SFXN4: variants seen among roughly 807,000 people sequenced by gnomAD.
SFXN4 encodes the protein sideroflexin-4.
In SFXN4, 48 loss-of-function variants were observed where a neutral mutation model predicts 54.6. The ratio of observed to expected loss-of-function variants is 0.88; its 90% CI spans 0.70 to 1.12. The LOEUF (loss-of-function observed/expected upper bound fraction) is 1.12. Among genes scored for constraint, SFXN4 ranks in the 50% most tolerant of loss-of-function variants. The probability of loss-of-function intolerance (pLI) is 0.00; values close to 1 mark genes in which losing one functional copy is unlikely to be tolerated. For synonymous variants in SFXN4, 130 were observed against 145.5 expected (o/e 0.89, Z 0.77); for missense variants, 383 against 409.2 (o/e 0.94, Z 0.55).
chr10:119,162,954 C>A (rs890874785), intron 2 of SFXN4, among the ~76,000 whole-genome samples: 1 of 152,222 alleles, frequency 6.6e-6, no homozygotes, highest in Middle Eastern at 3.4e-3. Flanking sequence ...ACCCACTACA[C>A]CTGGCTAACT....
Position 119,146,847 on chromosome 10 carries a change from C to T in SFXN4, c.819-494G>A, listed in dbSNP as rs527584843. Among the ~76,000 whole-genome samples, 17 of 152,246 alleles carry T rather than the reference C, an allele frequency of 1.1e-4. No individual in the cohort carries two copies. In the South Asian group the frequency reaches 3.1e-3, roughly 28 times the overall value. On this transcript the variant is annotated intron_variant, in intron 12 of 13. Coordinates refer to ENST00000355697, the MANE Select transcript of SFXN4 (RefSeq NM_213649.2). The stretch of plus-strand genomic sequence containing the variant: ...CCTCCCAAAGTGCTGGGATTACAGG[C>T]GTGAGCCACCGCACCATCCCATCCC...
intron 11 of SFXN4, among the ~76,000 whole-genome samples, chr10:119,154,303 C>T (rs1847191474): frequency 6.6e-6 from 1 of 152,160 alleles, no homozygotes; most frequent in Non-Finnish European, 1.5e-5. Flanking sequence ...AAGGCTGTAG[C>T]AGCAGCTCCT....
chr10:119,154,706 C>G (rs922885158), intron 11 of SFXN4, among the ~76,000 whole-genome samples: 1 of 152,106 alleles, frequency 6.6e-6, no homozygotes, highest in Admixed American at 6.6e-5. Context: ...GTGGTGTGTG[C>G]CTGTGGTCCC....
At chr10:119,163,999 C>A in intron 2 of SFXN4, 132 bp downstream of exon 2, 1 of 631,848 alleles carries the variant, frequency 1.6e-6, no homozygotes, top group Non-Finnish European at 2.7e-6. Context: ...GAGATGGTGC[C>A]ACTGCACTCC....
intron 9 of SFXN4, 113 bp from the exon 10 acceptor site, chr10:119,156,869 C>A (rs1036407416): frequency 1.4e-6 from 1 of 707,858 alleles, no homozygotes; most frequent in Non-Finnish European, 2.4e-6. Context: ...CAGACCACTG[C>A]CAGTGCTCTT....
intron 11 of SFXN4, among the ~76,000 whole-genome samples, chr10:119,148,773 T>A (rs568985614): frequency 5.4e-4 from 82 of 152,292 alleles, no homozygotes; most frequent in Admixed American, 2.3e-3. Context: ...AAACATACAA[T>A]TTACTGTATG....
intron 13 of SFXN4, 100 bp from the exon 14 acceptor site, chr10:119,141,419 C>T: frequency 1.6e-6 from 1 of 639,182 alleles, no homozygotes; most frequent in East Asian, 3.1e-5. Context: ...ATTTCACAGT[C>T]CATCTTTTTC....
At chr10:119,156,877 C>G (rs1847298971) in intron 9 of SFXN4, 121 bp from the exon 10 acceptor site, 8 of 676,956 alleles carry the variant, frequency 1.2e-5, no homozygotes, top group Non-Finnish European at 2.5e-6. Flanking sequence ...TGCCAGTGCT[C>G]TTCAGGTATT....
rs112866518 is a variant in SFXN4, at chr10:119,141,664, G to A, written c.937-345C>T. On this transcript the variant is annotated intron_variant, in intron 13 of 13. Coordinates refer to ENST00000355697, the MANE Select transcript of SFXN4 (RefSeq NM_213649.2). ...TAGCTGGGATTGGGATTACAGGCGC[G>A]CACCACCATCCTTGGCCCATTATTG... 8.7e-3 allele frequency among the ~76,000 whole-genome samples: 1,319 copies of A among 151,942 alleles called. 28 individuals carry two copies. Among genetic ancestry groups the A allele is most frequent in the African/African-American group, 0.03 (1,253 of 41,446 alleles).
At chr10:119,147,680 A>G (rs1846875630) in intron 12 of SFXN4, 95 bp downstream of exon 12, 3 of 1,048,074 alleles carry the variant, frequency 2.9e-6, no homozygotes, top group Non-Finnish European at 2.9e-6. Context: ...TACTGAGCCA[A>G]CTTCTCCCCA....
chr10:119,146,481 A>T, intron 12 of SFXN4, 128 bp from the exon 13 acceptor site: 1 of 505,696 alleles, frequency 2.0e-6, no homozygotes, highest in Non-Finnish European at 3.5e-6. Context: ...GTGTACCTGA[A>T]CACCTGGATC....
chr10:119,146,383 G>T, intron 12 of SFXN4, 30 bp from the exon 13 acceptor site: 1 of 1,342,924 alleles, frequency 7.4e-7, no homozygotes, highest in Non-Finnish European at 1.1e-6. Flanking sequence ...GCTCACAAGT[G>T]ATGTTAAACT....
chr10:119,154,468 C>T (rs941309741), intron 11 of SFXN4, among the ~76,000 whole-genome samples: 5 of 152,108 alleles, frequency 3.3e-5, no homozygotes, highest in African/African-American at 4.8e-5. Flanking sequence ...GGGAGGATCA[C>T]TTGAACTCAG....
In SFXN4 at chr10:119,141,074, C is replaced by G. The variant is rs369078851; in HGVS notation, c.*168G>C. 19 of 537,778 alleles carry G rather than the reference C, an allele frequency of 3.5e-5. No homozygotes were observed. The highest frequency in any genetic ancestry group is 5.7e-5 in the Non-Finnish European group (17 of 297,268). The allele number at this position is 537,778 out of a possible 1,614,324, so 33.3% of individuals were successfully genotyped here. A position where few individuals can be genotyped will look rare whatever the true frequency, so the allele number is the denominator to read the frequency against. On this transcript the variant is annotated 3_prime_UTR_variant, in exon 14 of 14. Coordinates refer to ENST00000355697, the MANE Select transcript of SFXN4 (RefSeq NM_213649.2). ...GTCTTCTCCAGCCAGCCTTAAAAACCCCAGAGACGCCAGCCTGGGAACGAT... is the reference window on the plus strand; with the variant it reads ...GTCTTCTCCAGCCAGCCTTAAAAACGCCAGAGACGCCAGCCTGGGAACGAT...
intron 10 of SFXN4, 112 bp from the exon 11 acceptor site, chr10:119,155,289 C>T: frequency 1.4e-6 from 1 of 719,114 alleles, no homozygotes; most frequent in South Asian, 1.7e-5. Flanking sequence ...TGACAGCTGG[C>T]CTTTCTTGAC....
At chr10:119,154,363 T>A (rs1050289382) in intron 11 of SFXN4, among the ~76,000 whole-genome samples, 2 of 151,966 alleles carry the variant, frequency 1.3e-5, no homozygotes, top group South Asian at 4.2e-4. Context: ...CACAATTGTG[T>A]AAGCCAATTC....
At chr10:119,149,456 T>C (rs1159292403) in intron 11 of SFXN4, among the ~76,000 whole-genome samples, 2 of 152,206 alleles carry the variant, frequency 1.3e-5, no homozygotes, top group East Asian at 1.9e-4. Context: ...GTTTTTAAAA[T>C]AAGGTCTTAA....
In SFXN4 at chr10:119,155,131, G is replaced by A; in HGVS notation, c.663C>T (p.Ser221=). 1 of 1,614,164 alleles carries A rather than the reference G, an allele frequency of 6.2e-7. No individual in the cohort carries two copies. Among genetic ancestry groups the A allele is most frequent in the Non-Finnish European group, 8.5e-7 (1 of 1,179,990 alleles). Residue 221 remains serine (S), a synonymous_variant, in exon 11 of 14, where the codon TCC becomes TCT. Transcript: ENST00000355697. ...MNVYMSRSLE[S]IKGIAVMDKE... The stretch of plus-strand genomic sequence containing the variant: ...TGTCCATGACCGCAATCCCCTTAAT[G>A]GATTCAAGACTTCGGGACATGTAGA...
At chr10:119,160,082 G>A (rs1302863924) in intron 5 of SFXN4, among the ~76,000 whole-genome samples, 2 of 152,120 alleles carry the variant, frequency 1.3e-5, no homozygotes, top group African/African-American at 4.8e-5. Context: ...AGGAGGCTGA[G>A]GTAGAAGGAT....
Sources: allele counts gnomAD v4.1 joint callset (sites outside exome capture counted in the v4.1 genomes callset), GRCh38; gene constraint gnomAD v4.1.1; transcripts MANE v1.5; gene names NCBI Gene and HGNC (gene_info 2026-07-23, HGNC 2026-07-21).